LRRC4C: variants seen among roughly 807,000 people sequenced by gnomAD.
LRRC4C encodes the protein leucine rich repeat containing 4C, also known as leucine-rich repeat-containing protein 4C.
LRRC4C carries 5 observed loss-of-function variants against 33.6 expected under a neutral mutation model. The ratio of observed to expected loss-of-function variants is 0.15; its 90% CI spans 0.08 to 0.31. The LOEUF (loss-of-function observed/expected upper bound fraction) is 0.31. LRRC4C is among the 10% of genes least tolerant of loss of function. The pLI is 1.00. For synonymous variants in LRRC4C, 329 were observed against 302.0 expected (o/e 1.09, Z -0.93); for missense variants, 560 against 796.7 (o/e 0.70, Z 3.58).
intron 2 of LRRC4C, among the ~76,000 whole-genome samples, chr11:40,798,579 A>T (rs1420923736): frequency 6.6e-6 from 1 of 152,058 alleles, no homozygotes; most frequent in Non-Finnish European, 1.5e-5. Context: ...TGCATAATAA[A>T]AGTATCTGTT....
chr11:41,224,036 A>G (rs1350507271), intron 1 of LRRC4C, among the ~76,000 whole-genome samples: 1 of 152,170 alleles, frequency 6.6e-6, no homozygotes, highest in Admixed American at 6.5e-5. Context: ...CCACCAATAT[A>G]ATGCTTTTTC....
At chr11:41,141,590 G>A (rs1252676466) in intron 1 of LRRC4C, among the ~76,000 whole-genome samples, 2 of 152,092 alleles carry the variant, frequency 1.3e-5, no homozygotes, top group East Asian at 3.9e-4. Context: ...AATCGTGGGA[G>A]CGGTTTCTTC....
chr11:40,761,996 C>G (rs1949239233), intron 2 of LRRC4C, among the ~76,000 whole-genome samples: 1 of 152,194 alleles, frequency 6.6e-6, no homozygotes, highest in East Asian at 1.9e-4. Flanking sequence ...ATAAGGTACT[C>G]AAAAATACAC....
chr11:40,262,903 C>A (rs1159567696), intron 4 of LRRC4C, among the ~76,000 whole-genome samples: 1 of 151,064 alleles, frequency 6.6e-6, no homozygotes, highest in Non-Finnish European at 1.5e-5. Context: ...ATGGGTGCAG[C>A]AAACCACCAT....
intron 1 of LRRC4C, among the ~76,000 whole-genome samples, chr11:41,255,731 G>A (rs1591076660): frequency 8.3e-6 from 1 of 120,022 alleles, no homozygotes; most frequent in Non-Finnish European, 1.7e-5. Flanking sequence ...AGCATATTAT[G>A]TAAAAAAAAA....
At chr11:40,698,149 C>T (rs1312916140) in intron 2 of LRRC4C, among the ~76,000 whole-genome samples, 3 of 151,244 alleles carry the variant, frequency 2.0e-5, no homozygotes, top group Admixed American at 2.0e-4. Flanking sequence ...TAATAAAGTA[C>T]TTAATAATAT....
chr11:41,308,393 C>T (rs566136484), intron 1 of LRRC4C, among the ~76,000 whole-genome samples: 54 of 152,138 alleles, frequency 3.5e-4, no homozygotes, highest in Admixed American at 2.4e-3. Context: ...AGCTCAAAAC[C>T]GGCAGTAGAA....
intron 3 of LRRC4C, among the ~76,000 whole-genome samples, chr11:40,465,259 C>T (rs1003795816): frequency 2.0e-5 from 3 of 151,742 alleles, no homozygotes; most frequent in African/African-American, 7.3e-5. Context: ...ATAGCCATAT[C>T]CAGAAAAATG....
intron 2 of LRRC4C, among the ~76,000 whole-genome samples, chr11:40,741,554 C>T (rs1948158013): frequency 6.6e-6 from 1 of 152,008 alleles, no homozygotes; most frequent in Admixed American, 6.6e-5. Flanking sequence ...AGACACATGC[C>T]TCCCTAACTT....
chr11:40,132,883 C>T (rs550772198), intron 6 of LRRC4C, among the ~76,000 whole-genome samples: 4 of 151,230 alleles, frequency 2.6e-5, no homozygotes, highest in South Asian at 2.1e-4. Context: ...GAGAGAAAAG[C>T]GTATAAAAAG....
intron 1 of LRRC4C, among the ~76,000 whole-genome samples, chr11:41,068,088 A>T (rs1024444977): frequency 4.6e-5 from 7 of 152,140 alleles, no homozygotes; most frequent in African/African-American, 1.7e-4. Flanking sequence ...AGAGATATGA[A>T]AAACCCTTCA....
intron 3 of LRRC4C, among the ~76,000 whole-genome samples, chr11:40,484,509 C>T (rs936933611): frequency 6.6e-6 from 1 of 151,710 alleles, no homozygotes; most frequent in Admixed American, 6.6e-5. Flanking sequence ...AATAAGGATA[C>T]GTTAGGTAGG....
chr11:41,352,986 C>T (rs1447590406), intron 1 of LRRC4C, among the ~76,000 whole-genome samples: 1 of 151,864 alleles, frequency 6.6e-6, no homozygotes, highest in Non-Finnish European at 1.5e-5. Context: ...AGCACATCAA[C>T]CCCAATGCTA....
intron 2 of LRRC4C, among the ~76,000 whole-genome samples, chr11:40,849,508 C>A (rs978870212): frequency 6.6e-6 from 1 of 152,166 alleles, no homozygotes; most frequent in African/African-American, 2.4e-5. Context: ...GCAGAGAGAT[C>A]CCCTGTTAGT....
intron 3 of LRRC4C, among the ~76,000 whole-genome samples, chr11:40,486,759 A>G (rs1182980403): frequency 6.6e-6 from 1 of 151,790 alleles, no homozygotes; most frequent in Admixed American, 6.6e-5. Context: ...TAGATATGCT[A>G]CTCTTCTAAT....
At chr11:40,330,609 T>C (rs1400221076) in intron 3 of LRRC4C, among the ~76,000 whole-genome samples, 1 of 152,098 alleles carries the variant, frequency 6.6e-6, no homozygotes, top group Non-Finnish European at 1.5e-5. Context: ...CTTACTATCA[T>C]GGCGGAAGGC....
At chr11:40,197,565 C>CA (rs1862364669) in intron 5 of LRRC4C, among the ~76,000 whole-genome samples, 1 of 152,216 alleles carries the variant, frequency 6.6e-6, no homozygotes, top group Non-Finnish European at 1.5e-5. Flanking sequence ...TCTCCCATCG[C>CA]TAATTTTGAG....
In LRRC4C at chr11:40,758,083, G is replaced by A. The variant is rs554456123; in HGVS notation, c.-406-109805C>T. ...TTATGTTGAGGAATATATCTCCCGCGAAATGCAAGTCTAAGCTGAGAGAGC... is the reference window on the plus strand; with the variant it reads ...TTATGTTGAGGAATATATCTCCCGCAAAATGCAAGTCTAAGCTGAGAGAGC... On this transcript the variant is annotated intron_variant, in intron 2 of 6. Coordinates refer to ENST00000528697, the MANE Select transcript of LRRC4C (RefSeq NM_001258419.2). 5.3e-5 allele frequency among the ~76,000 whole-genome samples: 8 copies of A among 152,102 alleles called. No individual in the cohort carries two copies. The South Asian group carries it at 1.7e-3, about 32-fold the overall frequency.
At chr11:40,886,406 T>C (rs1048480289) in intron 2 of LRRC4C, among the ~76,000 whole-genome samples, 12 of 145,542 alleles carry the variant, frequency 8.2e-5, no homozygotes, top group Non-Finnish European at 9.1e-5. Flanking sequence ...TTTCAAATGC[T>C]ACACACACAC....
Sources: gnomAD v4.1 joint callset for allele counts (sites outside exome capture counted in the v4.1 genomes callset) on GRCh38, gnomAD v4.1.1 for gene constraint, MANE v1.5 for transcripts, NCBI Gene and HGNC (gene_info 2026-07-23, HGNC 2026-07-21) for gene names.